SRGAP2: variants seen among roughly 807,000 people sequenced by gnomAD.
SRGAP2 encodes the protein SLIT-ROBO Rho GTPase-activating protein 2.
SRGAP2 carries 15 observed loss-of-function variants against 57.2 expected under a neutral mutation model. That is an observed-to-expected ratio of 0.26 (90% CI 0.18 to 0.40). The LOEUF (loss-of-function observed/expected upper bound fraction) is 0.40. Ranked by LOEUF, SRGAP2 falls within the 10% of genes least tolerant of loss-of-function variation. SRGAP2 has a pLI of 1.00. For synonymous variants in SRGAP2, 249 were observed against 248.0 expected, an observed-to-expected ratio of 1.00 and a Z score of -0.04; for missense variants, 520 against 669.6, an observed-to-expected ratio of 0.78 and a Z score of 2.47.
chr1:206,275,567 C>G (rs1670360173), intron 2 of SRGAP2, among the ~76,000 whole-genome samples: 1 of 131,988 alleles, frequency 7.6e-6, no homozygotes, highest in Non-Finnish European at 1.6e-5. Flanking sequence ...GGATATTCTT[C>G]CCTTCCAGGG....
At position 206,391,027 on chromosome 1, in the gene SRGAP2, G is replaced by A. The variant is rs544873613; in HGVS notation, c.487-1662G>A. ...TCTTTCTAAGCTAGATTTTCTCAGC[G>A]TCAGCACCATTGACATTTGGGCCAG... On this transcript the variant is annotated intron_variant, in intron 5 of 22. Coordinates refer to ENST00000573034, the MANE Select transcript of SRGAP2 (RefSeq NM_015326.5). 4.6e-5 allele frequency among the ~76,000 whole-genome samples: 7 copies of A among 152,176 alleles called. No individual in the cohort carries two copies. The East Asian group carries it at 9.6e-4, about 21-fold the overall frequency.
rs781840359 is a variant in SRGAP2, at chr1:206,393,541, T to A, written c.703-4T>A. The A allele has an allele frequency of 2.6e-6, 2 of 779,320 alleles. No homozygotes were observed. The highest frequency in any genetic ancestry group is 3.4e-5 in the Admixed American group (2 of 58,850). 48.3% of individuals were successfully genotyped at this position (779,320 alleles called of 1,614,324 possible). On this transcript the variant is annotated splice_region_variant and splice_polypyrimidine_tract_variant and intron_variant, in intron 6 of 22. Coordinates refer to ENST00000573034, the MANE Select transcript of SRGAP2 (RefSeq NM_015326.5). Reference sequence around the variant, plus strand: ...GTAAAAGTGAACTTCTGTTTCCTTTTCAGCGTCAAGCCAAGTACACGGAGA... The same window carrying A: ...GTAAAAGTGAACTTCTGTTTCCTTTACAGCGTCAAGCCAAGTACACGGAGA...
chr1:206,414,933 CTCT>C (rs1429883025), intron 10 of SRGAP2, among the ~76,000 whole-genome samples: 2 of 152,250 alleles, frequency 1.3e-5, no homozygotes, highest in African/African-American at 4.8e-5. Flanking sequence ...CCTTCTCCTG[CTCT>C]GTACCATGAT....
intron 4 of SRGAP2, among the ~76,000 whole-genome samples, chr1:206,355,433 C>T (rs1292484743): frequency 3.3e-5 from 5 of 151,676 alleles, no homozygotes; most frequent in Admixed American, 6.6e-5. Flanking sequence ...GTTAGTCTAC[C>T]GATAGTGATG....
intron 3 of SRGAP2, among the ~76,000 whole-genome samples, chr1:206,339,440 A>G (rs1236311229): frequency 6.8e-6 from 1 of 147,434 alleles, no homozygotes. Context: ...CATGTATTCT[A>G]ATTAATAGCA....
chr1:206,260,853 A>G (rs1553313392), intron 2 of SRGAP2, among the ~76,000 whole-genome samples: 1 of 152,248 alleles, frequency 6.6e-6, no homozygotes, highest in African/African-American at 2.4e-5. Context: ...AAATGAGATT[A>G]TTATTCTTCA....
At chr1:206,317,740 GAA>G in intron 3 of SRGAP2, among the ~76,000 whole-genome samples, 1 of 136,596 alleles carries the variant, frequency 7.3e-6, no homozygotes, top group East Asian at 2.0e-4. Flanking sequence ...TAGAGAGAAT[GAA>G]AAAAAAAGTA....
intron 6 of SRGAP2, 47 bp from the exon 7 acceptor site, chr1:206,393,498 C>T (rs782381224): frequency 6.6e-6 from 5 of 754,252 alleles, no homozygotes; most frequent in South Asian, 5.8e-5. Flanking sequence ...AGAACAAGCC[C>T]CCCTTAAAAA....
At chr1:206,286,435 T>A (rs1190092207) in intron 2 of SRGAP2, among the ~76,000 whole-genome samples, 1 of 151,672 alleles carries the variant, frequency 6.6e-6, no homozygotes, top group African/African-American at 2.4e-5. Context: ...AATAAATTGT[T>A]CCAAATCCCA....
intron 17 of SRGAP2, among the ~76,000 whole-genome samples, chr1:206,445,047 A>C (rs1662637399): frequency 1.3e-5 from 2 of 152,240 alleles, no homozygotes; most frequent in Non-Finnish European, 2.9e-5. Flanking sequence ...ATCAGTTCTG[A>C]AGAACAGCTA....
At chr1:206,302,290 A>G (rs1324123852) in intron 2 of SRGAP2, among the ~76,000 whole-genome samples, 1 of 150,808 alleles carries the variant, frequency 6.6e-6, no homozygotes, top group Non-Finnish European at 1.5e-5. Flanking sequence ...TGGCTTTGGC[A>G]TACTGCTTCC....
rs1416086064 is a variant in SRGAP2, at chr1:206,372,956, T to TTTCC, written c.424-11056_424-11055insCCTT. Among the ~76,000 whole-genome samples the TTTCC allele has an allele frequency of 3.3e-4, 3 of 9,224 alleles. 1 individual carries two copies. The highest frequency in any genetic ancestry group is 9.4e-4 in the African/African-American group (2 of 2,126). 6.1% of individuals were successfully genotyped at this position (9,224 alleles called of 152,430 possible). On this transcript the variant is annotated intron_variant, in intron 4 of 22. Transcript: ENST00000573034. ...CTTTCTTTCTTTCTTTCTTTCTTTC[T>TTTCC]TTTCTTTCCTTTCTTTCTTTCTTTC... is the stretch of plus-strand genomic sequence containing the variant.
chr1:206,308,206 G>C (rs1672378166), intron 3 of SRGAP2, among the ~76,000 whole-genome samples: 2 of 81,826 alleles, frequency 2.4e-5, no homozygotes, highest in Non-Finnish European at 4.9e-5. Flanking sequence ...GAGAAGTTTA[G>C]GGAGTCATTA....
chr1:206,414,366 A>C (rs558918496), intron 10 of SRGAP2, among the ~76,000 whole-genome samples: 1 of 152,096 alleles, frequency 6.6e-6, no homozygotes, highest in African/African-American at 2.4e-5. Context: ...ATCACTCTTA[A>C]TCCTAAGTGG....
At chr1:206,324,826 A>G (rs1553329220) in intron 3 of SRGAP2, among the ~76,000 whole-genome samples, 1 of 152,150 alleles carries the variant, frequency 6.6e-6, no homozygotes, top group Non-Finnish European at 1.5e-5. Context: ...ACAGGTATGT[A>G]AGGAAGACAC....
chr1:206,286,045 T>C, intron 2 of SRGAP2, among the ~76,000 whole-genome samples: 1 of 151,918 alleles, frequency 6.6e-6, no homozygotes, highest in Admixed American at 6.5e-5. Flanking sequence ...TTGAAAAAAA[T>C]ATTATAGTGG....
chr1:206,373,691 C>T (rs1225287939), intron 4 of SRGAP2, among the ~76,000 whole-genome samples: 17 of 66,970 alleles, frequency 2.5e-4, no homozygotes, highest in African/African-American at 9.8e-4. Context: ...GCCGAGATGG[C>T]GCCACTGCAC....
Position 206,454,750 on chromosome 1 carries a change from G to T in SRGAP2, c.2361-128G>T. 1.6e-6 allele frequency: 1 copy of T among 608,676 alleles called. No individual in the cohort carries two copies. The highest frequency in any genetic ancestry group is 2.8e-5 in the East Asian group (1 of 36,214). The allele number at this position is 608,676 out of a possible 1,614,324, so 37.7% of individuals were successfully genotyped here. On this transcript the variant is annotated intron_variant, in intron 20 of 22. Coordinates refer to ENST00000573034, the MANE Select transcript of SRGAP2 (RefSeq NM_015326.5). This position sits in a 1 kb window ranked among gnomAD's most constrained non-coding sequence, Gnocchi z 4.3. ...CTGCTCACAGAACTAGTCCAGCCAG[G>T]TGTCGCTGCTGCCTCAGAGCTGTGT... is the stretch of plus-strand genomic sequence containing the variant.
intron 2 of SRGAP2, chr1:206,207,612 C>T (rs1374454188): frequency 6.6e-6 from 1 of 150,556 alleles, no homozygotes; most frequent in Non-Finnish European, 1.5e-5. Flanking sequence ...GCAGTTTTAA[C>T]CAGATATGTC....
Sources: gnomAD v4.1 joint callset for allele counts (sites outside exome capture counted in the v4.1 genomes callset) on GRCh38, gnomAD v4.1.1 for gene constraint, Gnocchi (gnomAD v3.1) non-coding constraint, MANE v1.5 for transcripts, NCBI Gene and HGNC (gene_info 2026-07-23, HGNC 2026-07-21) for gene names.